Variants in GALNT13 observed in about 807,000 individuals in gnomAD.
GALNT13 encodes the protein UDP-GalNAc:polypeptide N-acetylgalactosaminyltransferase 13.
Under a neutral mutation model 64.2 loss-of-function variants are expected in GALNT13, and 28 were observed. The ratio of observed to expected loss-of-function variants is 0.44; its 90% CI spans 0.32 to 0.60. GALNT13 has a LOEUF of 0.60. Among genes scored for constraint, GALNT13 ranks in the 20% least tolerant of loss-of-function variants. The pLI, the probability that GALNT13 is intolerant of heterozygous loss-of-function variation, is 0.05. For synonymous variants in GALNT13, 214 were observed against 224.6 expected, an observed-to-expected ratio of 0.95 and a Z score of 0.42; for missense variants, 577 against 669.8, an observed-to-expected ratio of 0.86 and a Z score of 1.53.
chr2:154,095,976 A>C (rs895158571), intron 3 of GALNT13, among the ~76,000 whole-genome samples: 22 of 152,034 alleles, frequency 1.4e-4, no homozygotes, highest in Non-Finnish European at 1.2e-4. Context: ...CTTATTAGCA[A>C]AGTGCTAGAC....
chr2:153,184,531 G>A, the GALNT13 span, among the ~76,000 whole-genome samples: 1 of 152,100 alleles, frequency 6.6e-6, no homozygotes, highest in Admixed American at 6.5e-5. Context: ...GTGAGAGAGG[G>A]CATCCTTGTG....
the GALNT13 span, among the ~76,000 whole-genome samples, chr2:153,289,255 T>A: frequency 6.6e-6 from 1 of 152,232 alleles, no homozygotes. Flanking sequence ...GGGATCTTTA[T>A]GATCTTATCC....
At chr2:153,477,041 G>T in the GALNT13 span, among the ~76,000 whole-genome samples, 1 of 152,146 alleles carries the variant, frequency 6.6e-6, no homozygotes, top group African/African-American at 2.4e-5. Flanking sequence ...TCTTCCCGCG[G>T]GGGCCCTTCT....
the GALNT13 span, among the ~76,000 whole-genome samples, chr2:153,722,647 A>C: frequency 6.6e-6 from 1 of 152,198 alleles, no homozygotes; most frequent in Admixed American, 6.5e-5. Context: ...ACAGAAATAC[A>C]AACTATCATC....
At chr2:154,066,223 AG>A (rs1332162862) in intron 3 of GALNT13, among the ~76,000 whole-genome samples, 1 of 152,178 alleles carries the variant, frequency 6.6e-6, no homozygotes, top group Admixed American at 6.5e-5. Context: ...GCACACCTAC[AG>A]GATCTAGAAA....
chr2:153,902,867 C>T (rs1026963160), intron 2 of GALNT13, among the ~76,000 whole-genome samples: 3 of 152,034 alleles, frequency 2.0e-5, no homozygotes, highest in Non-Finnish European at 2.9e-5. Flanking sequence ...ACATACCATG[C>T]CTGACATTTG....
chr2:153,253,174 G>A, the GALNT13 span, among the ~76,000 whole-genome samples: 5 of 150,408 alleles, frequency 3.3e-5, no homozygotes, highest in African/African-American at 1.2e-4. Flanking sequence ...TCCTTGAAGA[G>A]GTCCTTCACA....
chr2:153,870,816 C>G (rs577542851), upstream of GALNT13, among the ~76,000 whole-genome samples: 1 of 151,504 alleles, frequency 6.6e-6, no homozygotes, highest in Non-Finnish European at 1.5e-5. Flanking sequence ...TATCCTCCCC[C>G]AATTCTGCCA....
chr2:154,097,871 A>G (rs942391750), intron 3 of GALNT13, among the ~76,000 whole-genome samples: 1 of 152,070 alleles, frequency 6.6e-6, no homozygotes, highest in African/African-American at 2.4e-5. Flanking sequence ...CTTCATTAGC[A>G]GTTTCTTTAC....
chr2:154,140,265 C>T, intron 3 of GALNT13, 72 bp from the exon 4 acceptor site: 1 of 1,123,658 alleles, frequency 8.9e-7, no homozygotes, highest in African/African-American at 1.6e-5. Context: ...TCTAATCAGA[C>T]ACACAAGTTT....
chr2:154,000,075 T>C (rs1411235903), intron 3 of GALNT13, among the ~76,000 whole-genome samples: 1 of 151,994 alleles, frequency 6.6e-6, no homozygotes, highest in Non-Finnish European at 1.5e-5. Flanking sequence ...AGGTTGTATT[T>C]GTCCAGGAAT....
the GALNT13 span, among the ~76,000 whole-genome samples, chr2:153,083,570 C>T: frequency 6.6e-6 from 1 of 151,924 alleles, no homozygotes; most frequent in Admixed American, 6.6e-5. Context: ...TGTCCCTTGC[C>T]CACTTTTGAT....
chr2:153,217,497 A>G, the GALNT13 span, among the ~76,000 whole-genome samples: 1 of 151,952 alleles, frequency 6.6e-6, no homozygotes, highest in Non-Finnish European at 1.5e-5. Context: ...AAGCTCCTGG[A>G]TGCTGTTTTA....
At chr2:154,123,620 A>G (rs926900155) in intron 3 of GALNT13, among the ~76,000 whole-genome samples, 1 of 151,984 alleles carries the variant, frequency 6.6e-6, no homozygotes, top group Non-Finnish European at 1.5e-5. Context: ...ACTCTGACAC[A>G]TTTCTAGTGA....
the GALNT13 span, among the ~76,000 whole-genome samples, chr2:153,568,847 G>A: frequency 3.9e-5 from 6 of 152,108 alleles, no homozygotes; most frequent in African/African-American, 1.4e-4. Context: ...GTTTTGTTGT[G>A]GGAAATATAT....
At chr2:153,270,502 G>A in the GALNT13 span, among the ~76,000 whole-genome samples, 1 of 152,178 alleles carries the variant, frequency 6.6e-6, no homozygotes, top group Non-Finnish European at 1.5e-5. Flanking sequence ...CCTCCTATAT[G>A]TAGTGTCTAT....
At chr2:153,355,830 A>C in the GALNT13 span, among the ~76,000 whole-genome samples, 1 of 152,232 alleles carries the variant, frequency 6.6e-6, no homozygotes, top group Non-Finnish European at 1.5e-5. Flanking sequence ...TGTGACTCAT[A>C]ATAAGTGCTC....
chr2:153,712,826 A>G, the GALNT13 span, among the ~76,000 whole-genome samples: 1 of 152,196 alleles, frequency 6.6e-6, no homozygotes, highest in Admixed American at 6.5e-5. Context: ...ACTGAAGCTG[A>G]CCTGGAGAGT....
chr2:153,844,085 G>A, the GALNT13 span, among the ~76,000 whole-genome samples: 1 of 152,040 alleles, frequency 6.6e-6, no homozygotes, highest in Non-Finnish European at 1.5e-5. Context: ...CCTTCATACA[G>A]CTCCACTAGG....
Sources: gnomAD v4.1 joint callset for allele counts (sites outside exome capture counted in the v4.1 genomes callset) on GRCh38, gnomAD v4.1.1 for gene constraint, MANE v1.5 for transcripts, NCBI Gene and HGNC (gene_info 2026-07-23, HGNC 2026-07-21) for gene names.